Variants in WWOX observed in about 807,000 individuals in gnomAD.
WWOX encodes WW domain containing oxidoreductase.
Under a neutral mutation model 46.2 loss-of-function variants are expected in WWOX, and 69 were observed. The ratio of observed to expected loss-of-function variants is 1.49; its 90% CI spans 1.23 to 1.82. The LOEUF (loss-of-function observed/expected upper bound fraction) is 1.82, where lower values mean the gene tolerates loss of function less well. WWOX is among the 40% of genes most tolerant of loss of function. The pLI, the probability that WWOX is intolerant of heterozygous loss-of-function variation, is 0.00. For synonymous variants in WWOX, 359 were observed against 202.6 expected (o/e 1.77, Z -6.56); for missense variants, 919 against 542.6 (o/e 1.69, Z -6.89).
In WWOX at chr16:78,482,481, C is replaced by T. The variant is rs988140105; in HGVS notation, c.1056+49729C>T. The stretch of plus-strand genomic sequence containing the variant: ...CAGGTGATCTGACTGCCTTGGCCTC[C>T]GAAAGTGCTGGGATGACAGGCGTGA... On this transcript the variant is annotated intron_variant, in intron 8 of 8. Transcript: ENST00000566780. 7.9e-5 allele frequency among the ~76,000 whole-genome samples: 12 copies of T among 152,224 alleles called. No homozygotes were observed. In the South Asian group the frequency reaches 2.3e-3, roughly 29 times the overall value.
intron 8 of WWOX, among the ~76,000 whole-genome samples, chr16:78,690,026 A>C (rs1457785975): frequency 6.6e-6 from 1 of 151,892 alleles, no homozygotes; most frequent in African/African-American, 2.4e-5. Flanking sequence ...ATGCCCAGCC[A>C]ATTTTTGTAT....
At chr16:78,880,184 C>T (rs1052680270) in intron 8 of WWOX, among the ~76,000 whole-genome samples, 1 of 152,120 alleles carries the variant, frequency 6.6e-6, no homozygotes, top group Non-Finnish European at 1.5e-5. Context: ...GAAAAGACAA[C>T]AGTACCAAAC....
intron 8 of WWOX, among the ~76,000 whole-genome samples, chr16:79,146,333 C>G (rs1018418345): frequency 6.6e-6 from 1 of 152,130 alleles, no homozygotes; most frequent in Non-Finnish European, 1.5e-5. Context: ...TTTGATGCCC[C>G]GTCTTCAACC....
At chr16:78,559,058 C>T (rs1238106464) in intron 8 of WWOX, among the ~76,000 whole-genome samples, 1 of 152,182 alleles carries the variant, frequency 6.6e-6, no homozygotes, top group Non-Finnish European at 1.5e-5. Context: ...CGTGGAAGGA[C>T]ACATAGTTCC....
At chr16:78,937,312 A>G (rs2045758779) in intron 8 of WWOX, among the ~76,000 whole-genome samples, 1 of 152,102 alleles carries the variant, frequency 6.6e-6, no homozygotes, top group South Asian at 2.1e-4. Context: ...CTGCATCTTT[A>G]ATTATGCTAA....
chr16:78,954,436 A>T (rs1281895329), intron 8 of WWOX, among the ~76,000 whole-genome samples: 1 of 152,192 alleles, frequency 6.6e-6, no homozygotes, highest in African/African-American at 2.4e-5. Context: ...GGATGGATAA[A>T]TGATGCATGG....
intron 8 of WWOX, among the ~76,000 whole-genome samples, chr16:78,604,536 T>C (rs868675888): frequency 3.3e-5 from 5 of 152,176 alleles, no homozygotes; most frequent in Admixed American, 1.3e-4. Context: ...AAATACAAAA[T>C]AGTGAGTTTT....
chr16:79,055,078 A>G (rs961326801), intron 8 of WWOX, among the ~76,000 whole-genome samples: 3 of 152,196 alleles, frequency 2.0e-5, no homozygotes, highest in Admixed American at 6.5e-5. Flanking sequence ...TAAATGTTCA[A>G]TAATAGCCAG....
At chr16:78,522,708 A>T (rs1365129033) in intron 8 of WWOX, among the ~76,000 whole-genome samples, 1 of 152,268 alleles carries the variant, frequency 6.6e-6, no homozygotes, top group Non-Finnish European at 1.5e-5. Flanking sequence ...AGTCGGGGCA[A>T]GGTTACAACA....
At chr16:78,278,805 A>G in intron 5 of WWOX, 1 of 738,888 alleles carries the variant, frequency 1.4e-6, no homozygotes, top group East Asian at 2.8e-5. Context: ...ATATGATTTA[A>G]TTTATACCTT....
chr16:79,131,870 G>A (rs1464246265), intron 8 of WWOX, among the ~76,000 whole-genome samples: 2 of 152,184 alleles, frequency 1.3e-5, no homozygotes, highest in East Asian at 3.8e-4. Context: ...GCAAGGAGGA[G>A]CAAGTCACGT....
At chr16:78,808,441 C>T (rs1411200579) in intron 8 of WWOX, among the ~76,000 whole-genome samples, 1 of 152,118 alleles carries the variant, frequency 6.6e-6, no homozygotes, top group East Asian at 1.9e-4. Context: ...AGTAGAAATC[C>T]ATTTTAAAGT....
rs575673613 is a variant in WWOX, at chr16:79,186,742, G to C, written c.1057-24866G>C. On this transcript the variant is annotated intron_variant, in intron 8 of 8. Coordinates refer to ENST00000566780, the MANE Select transcript of WWOX (RefSeq NM_016373.4). Reference sequence around the variant, plus strand: ...ATACCTCAAGTATCTAGTATACTTGGGACATTAGTCTGGGAATTTTTCTCC... The same window carrying C: ...ATACCTCAAGTATCTAGTATACTTGCGACATTAGTCTGGGAATTTTTCTCC... Among the ~76,000 whole-genome samples, 29 of 152,002 alleles carry C rather than the reference G, an allele frequency of 1.9e-4. No homozygotes were observed. In the South Asian group the frequency reaches 5.4e-3, roughly 28 times the overall value.
chr16:78,905,584 T>G (rs1325251670), intron 8 of WWOX, among the ~76,000 whole-genome samples: 1 of 152,134 alleles, frequency 6.6e-6, no homozygotes, highest in African/African-American at 2.4e-5. Context: ...TCTCACCATA[T>G]TGACCAGGCC....
At chr16:78,455,792 T>TA (rs79273884) in intron 8 of WWOX, among the ~76,000 whole-genome samples, 123 of 120,194 alleles carry the variant, frequency 1.0e-3, no homozygotes, top group South Asian at 5.0e-3. Flanking sequence ...AGGTGAAGGT[T>TA]AAAAAAAAAA....
At chr16:79,097,286 A>G (rs1190730624) in intron 8 of WWOX, among the ~76,000 whole-genome samples, 2 of 151,164 alleles carry the variant, frequency 1.3e-5, no homozygotes, top group African/African-American at 4.9e-5. Context: ...TTAGGCATTT[A>G]TTCAAGATCC....
Position 78,881,304 on chromosome 16 carries a change from C to A in WWOX, c.1057-330304C>A, listed in dbSNP as rs143014447. Among the ~76,000 whole-genome samples, 121 of 152,180 alleles carry A rather than the reference C, an allele frequency of 8.0e-4. No individual in the cohort carries two copies. In the East Asian group the frequency reaches 0.021, roughly 26 times the overall value. ...CAGGCATGAGCCACTGTGCCTGGCC[C>A]TGGTAAAATTTTGTCTACATAGTTA... On this transcript the variant is annotated intron_variant, in intron 8 of 8. Coordinates refer to ENST00000566780, the MANE Select transcript of WWOX (RefSeq NM_016373.4).
chr16:78,907,538 C>A (rs537193539), intron 8 of WWOX, among the ~76,000 whole-genome samples: 3 of 152,004 alleles, frequency 2.0e-5, no homozygotes, highest in South Asian at 2.1e-4. Context: ...ACTAAATATC[C>A]CCCCAAAGTT....
At chr16:78,980,006 T>C (rs1333342045) in intron 8 of WWOX, among the ~76,000 whole-genome samples, 3 of 152,148 alleles carry the variant, frequency 2.0e-5, no homozygotes, top group East Asian at 1.9e-4. Flanking sequence ...TGGGCACCTG[T>C]ACTTCCAGCT....
Sources: gnomAD v4.1 joint callset for allele counts (sites outside exome capture counted in the v4.1 genomes callset) on GRCh38, gnomAD v4.1.1 for gene constraint, MANE v1.5 for transcripts, NCBI Gene and HGNC (gene_info 2026-07-23, HGNC 2026-07-21) for gene names.